The following NRXN1 variants were observed in gnomAD, a reference collection of about 807,000 sequenced individuals.
The protein encoded by NRXN1 is neurexin 1, also known as neurexin-1.
In NRXN1, 39 loss-of-function variants were observed where a neutral mutation model predicts 150.9. That is an observed-to-expected ratio of 0.26 (90% confidence interval 0.20 to 0.34). The LOEUF is 0.34. Ranked by LOEUF, NRXN1 falls within the 10% of genes least tolerant of loss-of-function variation. The pLI, the probability that NRXN1 is intolerant of heterozygous loss-of-function variation, is 1.00. For missense variants in NRXN1, 1,815 were observed against 1,949.9 expected, an observed-to-expected ratio of 0.93 and a Z score of 1.30; for synonymous variants, 924 against 757.0, an observed-to-expected ratio of 1.22 and a Z score of -3.62.
intron 5 of NRXN1, among the ~76,000 whole-genome samples, chr2:50,726,948 C>A (rs960330291): frequency 2.0e-5 from 3 of 151,890 alleles, no homozygotes; most frequent in African/African-American, 7.3e-5. Flanking sequence ...ATCATTTGTT[C>A]AATTTAAAAG....
At chr2:50,991,605 T>C (rs972058874) in intron 2 of NRXN1, among the ~76,000 whole-genome samples, 3 of 152,016 alleles carry the variant, frequency 2.0e-5, no homozygotes, top group Non-Finnish European at 2.9e-5. Context: ...CCATCTATCC[T>C]CATTGTAAGC....
At chr2:50,545,596 G>C (rs1197088866) in intron 9 of NRXN1, among the ~76,000 whole-genome samples, 1 of 152,154 alleles carries the variant, frequency 6.6e-6, no homozygotes, top group Admixed American at 6.5e-5. Context: ...TATAAAACAA[G>C]AATGCCAAGT....
chr2:50,809,329 T>A (rs899985148), intron 5 of NRXN1, among the ~76,000 whole-genome samples: 1 of 152,072 alleles, frequency 6.6e-6, no homozygotes. Context: ...CAAACATTTT[T>A]AAATTATTTC....
At chr2:50,283,987 A>G (rs2071793812) in intron 17 of NRXN1, among the ~76,000 whole-genome samples, 1 of 152,156 alleles carries the variant, frequency 6.6e-6, no homozygotes, top group Admixed American at 6.5e-5. Flanking sequence ...TAACCAGAGT[A>G]AAGTTCCTTG....
At chr2:50,256,367 C>T (rs893343532) in intron 17 of NRXN1, among the ~76,000 whole-genome samples, 3 of 152,096 alleles carry the variant, frequency 2.0e-5, no homozygotes, top group Admixed American at 6.6e-5. Context: ...CATTTTCTAA[C>T]CGCTGTTTGG....
chr2:50,235,672 C>T (rs2065345577), intron 18 of NRXN1, among the ~76,000 whole-genome samples: 1 of 152,026 alleles, frequency 6.6e-6, no homozygotes, highest in Non-Finnish European at 1.5e-5. Context: ...CAGGAAAGAA[C>T]ATGATGACCT....
chr2:50,685,788 T>C (rs1309524069), intron 5 of NRXN1, among the ~76,000 whole-genome samples: 1 of 152,144 alleles, frequency 6.6e-6, no homozygotes, highest in Non-Finnish European at 1.5e-5. Context: ...AGGTGATGCA[T>C]CATCTTTGCA....
chr2:50,060,061 G>C (rs1237247154), intron 19 of NRXN1, among the ~76,000 whole-genome samples: 1 of 152,062 alleles, frequency 6.6e-6, no homozygotes, highest in African/African-American at 2.4e-5. Flanking sequence ...CACCAGAATG[G>C]TAGATCCACT....
chr2:50,140,551 T>C (rs537444412), intron 18 of NRXN1, among the ~76,000 whole-genome samples: 2 of 152,242 alleles, frequency 1.3e-5, no homozygotes, highest in Admixed American at 1.3e-4. Context: ...AAATAAAGTA[T>C]TGCCGACAGG....
chr2:51,000,492 G>T (rs2105081213), intron 2 of NRXN1, among the ~76,000 whole-genome samples: 1 of 151,544 alleles, frequency 6.6e-6, no homozygotes, highest in Non-Finnish European at 1.5e-5. Flanking sequence ...TTGAAATAAT[G>T]GATTATTTCA....
intron 8 of NRXN1, among the ~76,000 whole-genome samples, chr2:50,588,327 A>T (rs1673506609): frequency 6.6e-6 from 1 of 152,224 alleles, no homozygotes; most frequent in East Asian, 1.9e-4. Context: ...ATAATAAAAA[A>T]TAACATTAAA....
chr2:50,413,431 T>A (rs1235124949), intron 17 of NRXN1, among the ~76,000 whole-genome samples: 3 of 151,722 alleles, frequency 2.0e-5, no homozygotes, highest in Non-Finnish European at 2.9e-5. Context: ...GTGCTCAATA[T>A]CACAGATCAT....
At chr2:50,698,851 C>T (rs1447928989) in intron 5 of NRXN1, among the ~76,000 whole-genome samples, 4 of 152,130 alleles carry the variant, frequency 2.6e-5, no homozygotes, top group African/African-American at 9.7e-5. Flanking sequence ...GTCTGTTTCT[C>T]TCTTTCTCAT....
intron 17 of NRXN1, among the ~76,000 whole-genome samples, chr2:50,385,498 AC>A (rs2081274570): frequency 6.6e-6 from 1 of 152,172 alleles, no homozygotes; most frequent in Non-Finnish European, 1.5e-5. Flanking sequence ...TATTCATGCT[AC>A]CCGGGAATGT....
At chr2:49,971,398 T>C (rs1677932082) in intron 21 of NRXN1, among the ~76,000 whole-genome samples, 1 of 152,154 alleles carries the variant, frequency 6.6e-6, no homozygotes, top group African/African-American at 2.4e-5. Flanking sequence ...ATTTCCCTAG[T>C]TAATGTGTTG....
At chr2:50,085,476 G>C (rs2152689859) in intron 19 of NRXN1, among the ~76,000 whole-genome samples, 1 of 152,022 alleles carries the variant, frequency 6.6e-6, no homozygotes, top group South Asian at 2.1e-4. Context: ...TGAGAACATG[G>C]GCAAGTCTTC....
At chr2:50,676,247 A>G (rs559803112) in intron 5 of NRXN1, among the ~76,000 whole-genome samples, 1 of 152,234 alleles carries the variant, frequency 6.6e-6, no homozygotes, top group African/African-American at 2.4e-5. Context: ...CTGAGGCCTC[A>G]CTAGAAGCAG....
intron 5 of NRXN1, among the ~76,000 whole-genome samples, chr2:50,830,484 A>G (rs1456620852): frequency 6.7e-6 from 1 of 149,804 alleles, no homozygotes; most frequent in Non-Finnish European, 1.5e-5. Flanking sequence ...ACGTTTTTAA[A>G]TGAAAAAAAA....
At chr2:50,667,780 T>A (rs897348285) in intron 5 of NRXN1, among the ~76,000 whole-genome samples, 3 of 151,994 alleles carry the variant, frequency 2.0e-5, no homozygotes, top group African/African-American at 7.2e-5. Flanking sequence ...TATTCCTAAG[T>A]ATTATTGCAT....
Sources: allele counts gnomAD v4.1 joint callset (sites outside exome capture counted in the v4.1 genomes callset), GRCh38; gene constraint gnomAD v4.1.1; transcripts MANE v1.5; gene names NCBI Gene and HGNC (gene_info 2026-07-23, HGNC 2026-07-21).